Variants in ATP5PO observed in about 807,000 individuals in gnomAD.
ATP5PO encodes ATP synthase peripheral stalk subunit OSCP, mitochondrial.
Under a neutral mutation model 26.2 loss-of-function variants are expected in ATP5PO, and 14 were observed. The ratio of observed to expected loss-of-function variants is 0.53; its 90% CI spans 0.35 to 0.83. The LOEUF (loss-of-function observed/expected upper bound fraction) is 0.83. Ranked by LOEUF, ATP5PO falls within the 40% of genes least tolerant of loss-of-function variation. The pLI is 0.01. For synonymous variants in ATP5PO, 106 were observed against 95.1 expected (o/e 1.12, Z -0.67); for missense variants, 241 against 258.5 (o/e 0.93, Z 0.46).
Position 33,908,960 on chromosome 21 carries a change from G to A in ATP5PO, c.328+122C>T, listed in dbSNP as rs931104062. On this transcript the variant is annotated intron_variant, in intron 4 of 6. Coordinates refer to ENST00000290299, the MANE Select transcript of ATP5PO (RefSeq NM_001697.3). ...AGACTCTGATTCAGCAGGTTGCTGT[G>A]AGGCCTGAGATTCTTCACTGCCAAC... The A allele has an allele frequency of 9.5e-6, 11 of 1,152,364 alleles. No individual in the cohort carries two copies. The African/African-American group carries it at 1.2e-4, about 13-fold the overall frequency. 71.4% of individuals were successfully genotyped at this position (1,152,364 alleles called of 1,614,324 possible).
In ATP5PO at chr21:33,903,512, G is replaced by C; in HGVS notation, c.*14C>G. 1 of 1,603,634 alleles carries C rather than the reference G, an allele frequency of 6.2e-7. No homozygotes were observed. Among genetic ancestry groups the C allele is most frequent in the East Asian group, 2.2e-5 (1 of 44,720 alleles). On this transcript the variant is annotated 3_prime_UTR_variant, in exon 7 of 7. Coordinates refer to ENST00000290299, the MANE Select transcript of ATP5PO (RefSeq NM_001697.3). ...AGTTTAAGAATTTTCACTGATGGCA[G>C]AAAACCAACACTTTTAGACAATCTC...
intron 5 of ATP5PO, chr21:33,906,983 T>G: frequency 2.9e-6 from 1 of 342,054 alleles, no homozygotes; most frequent in Non-Finnish European, 5.7e-6. Context: ...AGTGAGACTC[T>G]GTCTCAAAAA....
In ATP5PO at chr21:33,915,796, T is replaced by C. The variant is rs757777401; in HGVS notation, c.-33A>G. ...CGGGCGGCTGTAGGTCAAACCCGAG[T>C]GGGAAGAGAGAAACGCGCAAGGGCG... is the stretch of plus-strand genomic sequence containing the variant. On this transcript the variant is annotated 5_prime_UTR_variant, in exon 1 of 7. Coordinates refer to ENST00000290299, the MANE Select transcript of ATP5PO (RefSeq NM_001697.3). 1.2e-5 allele frequency: 18 copies of C among 1,555,406 alleles called. No individual in the cohort carries two copies. In the East Asian group the frequency reaches 1.2e-4, roughly 10 times the overall value.
chr21:33,903,459 G>T lies in ATP5PO; in HGVS notation c.*67C>A. 1 of 1,387,880 alleles carries T rather than the reference G, an allele frequency of 7.2e-7. No homozygotes were observed. The highest frequency in any genetic ancestry group is 1.0e-6 in the Non-Finnish European group (1 of 987,318). The allele number at this position is 1,387,880 out of a possible 1,614,324, so 86.0% of individuals were successfully genotyped here. A position where few individuals can be genotyped will look rare whatever the true frequency, so the allele number is the denominator to read the frequency against. ...AAAGACAGTGAACATAATATGATCT[G>T]TTCTGGAAGCTTTTTATTGTTGCTC... On this transcript the variant is annotated 3_prime_UTR_variant, in exon 7 of 7. Transcript: ENST00000290299.
intron 5 of ATP5PO, among the ~76,000 whole-genome samples, chr21:33,905,215 A>G (rs1987154129): frequency 6.6e-6 from 1 of 152,112 alleles, no homozygotes; most frequent in African/African-American, 2.4e-5. Flanking sequence ...AACATGATTT[A>G]CTGAGACTAA....
At chr21:33,912,681 TATCA>T (rs1335793286) in intron 2 of ATP5PO, among the ~76,000 whole-genome samples, 1 of 152,228 alleles carries the variant, frequency 6.6e-6, no homozygotes, top group African/African-American at 2.4e-5. Flanking sequence ...TACATACCTT[TATCA>T]ATTACTTGTA....
intron 2 of ATP5PO, among the ~76,000 whole-genome samples, chr21:33,913,702 G>T (rs1399171414): frequency 6.6e-6 from 1 of 152,128 alleles, no homozygotes; most frequent in Non-Finnish European, 1.5e-5. Context: ...GTGCCTACTG[G>T]AAAGAAAGGG....
chr21:33,915,601 A>G (rs928289984), intron 1 of ATP5PO, 127 bp downstream of exon 1: 27 of 1,382,484 alleles, frequency 2.0e-5, no homozygotes, highest in Non-Finnish European at 2.6e-5. Context: ...CCCACTCGCC[A>G]GGTCCCATAA....
intron 2 of ATP5PO, among the ~76,000 whole-genome samples, chr21:33,913,879 A>C (rs992158837): frequency 6.6e-6 from 1 of 152,012 alleles, no homozygotes; most frequent in Admixed American, 6.6e-5. Context: ...TCCCGGGCTC[A>C]AGCAATTCTC....
chr21:33,905,107 A>C (rs1473378021), intron 5 of ATP5PO, among the ~76,000 whole-genome samples: 1 of 152,090 alleles, frequency 6.6e-6, no homozygotes, highest in Non-Finnish European at 1.5e-5. Flanking sequence ...AGCCTAAAAA[A>C]ATTTGGCAGA....
At chr21:33,910,566 C>G (rs772807611) in intron 3 of ATP5PO, among the ~76,000 whole-genome samples, 17 of 152,132 alleles carry the variant, frequency 1.1e-4, no homozygotes, top group Non-Finnish European at 2.1e-4. Context: ...TTCTAATATC[C>G]ACAATCCAAG....
intron 4 of ATP5PO, 60 bp from the exon 5 acceptor site, chr21:33,907,513 T>C: frequency 3.5e-6 from 5 of 1,447,442 alleles, no homozygotes; most frequent in Non-Finnish European, 4.8e-6. Flanking sequence ...ATTCATGAAG[T>C]TGTATACTCA....
chr21:33,905,930 A>AG (rs973355003), intron 5 of ATP5PO, among the ~76,000 whole-genome samples: 21 of 150,752 alleles, frequency 1.4e-4, no homozygotes, highest in African/African-American at 5.1e-4. Context: ...AAAAAAAAAA[A>AG]AAAAAAAAGA....
rs1439375321 is a variant in ATP5PO at position 33,915,759 on chromosome 21, G to A, written c.5C>T (p.Ala2Val). The part of the protein sequence containing the change: M[A>V]APAVSGLSRQ... ...GGAGAGCCCGGACACTGCTGGGGCA[G>A]CCATCTTCTCCCGGGCGGCTGTAGG... Residue 2 changes from alanine (A) to valine (V), a missense_variant, in exon 1 of 7, where the codon GCT becomes GTT. By Grantham distance (64) the Ala-to-Val change is moderately conservative. Coordinates refer to ENST00000290299, the MANE Select transcript of ATP5PO (RefSeq NM_001697.3). 9 of 1,574,164 alleles carry A rather than the reference G, an allele frequency of 5.7e-6. No homozygotes were observed. In the South Asian group the frequency reaches 5.8e-5, roughly 10 times the overall value.
chr21:33,912,432 A>G lies in ATP5PO; in HGVS notation c.88-33T>C, dbSNP rs1357176144. On this transcript the variant is annotated intron_variant, in intron 2 of 6. Transcript: ENST00000290299. ...AAAAAGGTGAAATAGGAGAGGAAAG[A>G]AAAAGGAAAATCAGTTAATAGTATA... The G allele has an allele frequency of 2.7e-6, 4 of 1,490,780 alleles. No homozygotes were observed. The South Asian group carries it at 3.5e-5, about 13-fold the overall frequency. 92.3% of individuals were successfully genotyped at this position (1,490,780 alleles called of 1,614,324 possible).
At chr21:33,912,454 T>C (rs1307663236) in intron 2 of ATP5PO, 55 bp from the exon 3 acceptor site, 90 of 1,266,930 alleles carry the variant, frequency 7.1e-5, no homozygotes, top group East Asian at 2.3e-5. Context: ...CAGTTAATAG[T>C]ATACTCTCAA....
At chr21:33,911,068 C>T (rs757485850) in intron 3 of ATP5PO, among the ~76,000 whole-genome samples, 1 of 152,226 alleles carries the variant, frequency 6.6e-6, no homozygotes, top group Non-Finnish European at 1.5e-5. Context: ...CAAACTTCCT[C>T]TGAAGAGGCT....
At chr21:33,909,840 G>A (rs73903805) in intron 3 of ATP5PO, among the ~76,000 whole-genome samples, 2,914 of 152,268 alleles carry the variant, frequency 0.019, 103 homozygotes, top group African/African-American at 0.066. Flanking sequence ...ATTTAAGAGA[G>A]GAGTCGTCTG....
At chr21:33,913,208 TG>T (rs1169572208) in intron 2 of ATP5PO, among the ~76,000 whole-genome samples, 1 of 152,366 alleles carries the variant, frequency 6.6e-6, no homozygotes, top group African/African-American at 2.4e-5. Context: ...GAAATGATTT[TG>T]ATCATTTGAT....
Sources: gnomAD v4.1 joint callset for allele counts (sites outside exome capture counted in the v4.1 genomes callset) on GRCh38, gnomAD v4.1.1 for gene constraint, MANE v1.5 for transcripts, NCBI Gene and HGNC (gene_info 2026-07-23, HGNC 2026-07-21) for gene names.